GFI1B: variants seen among roughly 807,000 people sequenced by gnomAD.
The protein encoded by GFI1B is growth factor independent 1B transcriptional repressor.
GFI1B carries 20 observed loss-of-function variants against 35.3 expected under a neutral mutation model. That is an observed-to-expected ratio of 0.57 (90% CI 0.40 to 0.82). The LOEUF (loss-of-function observed/expected upper bound fraction) is 0.82, where lower values mean the gene tolerates loss of function less well. GFI1B is among the 40% of genes least tolerant of loss of function. GFI1B has a pLI of 0.00. For synonymous variants in GFI1B, 178 were observed against 177.6 expected, an observed-to-expected ratio of 1.00 and a Z score of -0.02; for missense variants, 430 against 446.3, an observed-to-expected ratio of 0.96 and a Z score of 0.33.
intron 1 of GFI1B, among the ~76,000 whole-genome samples, chr9:132,966,450 GA>G (rs1344887225): frequency 6.6e-6 from 1 of 152,112 alleles, no homozygotes; most frequent in Admixed American, 6.5e-5. Flanking sequence ...AGCAATTAAG[GA>G]GAGAAGACAA....
intron 1 of GFI1B, among the ~76,000 whole-genome samples, chr9:132,980,355 C>G (rs976541195): frequency 3.9e-5 from 6 of 152,182 alleles, no homozygotes; most frequent in African/African-American, 1.2e-4. Context: ...TATCCAGACC[C>G]TTGGTTGAAA....
At chr9:132,964,870 G>T (rs1295952926) in intron 1 of GFI1B, among the ~76,000 whole-genome samples, 6 of 150,042 alleles carry the variant, frequency 4.0e-5, no homozygotes, top group Non-Finnish European at 7.4e-5. Context: ...CTTCCGTGTA[G>T]CTGGGATTAT....
At chr9:132,969,852 C>T (rs1432872935) in intron 1 of GFI1B, among the ~76,000 whole-genome samples, 1 of 152,194 alleles carries the variant, frequency 6.6e-6, no homozygotes, top group Non-Finnish European at 1.5e-5. Context: ...CCCTGACTCT[C>T]ATGGGTTTTG....
chr9:132,990,642 C>T (rs372395568), intron 6 of GFI1B, among the ~76,000 whole-genome samples: 11 of 152,358 alleles, frequency 7.2e-5, no homozygotes, highest in South Asian at 2.1e-4. Flanking sequence ...CAAGATGACT[C>T]GGCAGCTGCC....
In GFI1B at chr9:132,989,048, C is replaced by T. The variant is rs1251880860; in HGVS notation, c.511-13C>T. The T allele has an allele frequency of 2.5e-6, 4 of 1,613,370 alleles. No individual in the cohort carries two copies. In the South Asian group the frequency reaches 3.3e-5, roughly 13 times the overall value. ...CAGCCCCCAGTGGCCTCACATGCTG[C>T]CCCTGCTCCCAGGTCTTCTCCACCC... On this transcript the variant is annotated splice_polypyrimidine_tract_variant and intron_variant, in intron 4 of 6. Coordinates refer to ENST00000372122, the MANE Select transcript of GFI1B (RefSeq NM_001377304.1). The surrounding 1 kb of genome is among the most constrained non-coding windows in gnomAD (Gnocchi z 6.2).
Position 132,960,782 on chromosome 9 carries a change from A to G in GFI1B, c.-700-11943A>G, listed in dbSNP as rs564876341. 2.7e-4 allele frequency among the ~76,000 whole-genome samples: 41 copies of G among 152,122 alleles called. 1 individual carries two copies. Among genetic ancestry groups the G allele is most frequent in the South Asian group, 1.7e-3 (8 of 4,816 alleles). ...CTCCCAAAACATTAGGGTTACAAGC[A>G]TGAGCCACCGAGCCTGGCTCAATTA... On this transcript the variant is annotated intron_variant, in intron 1 of 10. Coordinates refer to the GFI1B transcript ENST00000339463.
At chr9:132,971,972 TAA>T (rs55710047) in intron 1 of GFI1B, among the ~76,000 whole-genome samples, 5 of 130,728 alleles carry the variant, frequency 3.8e-5, no homozygotes, top group African/African-American at 8.4e-5. Context: ...AGACTCTGTC[TAA>T]AAAAAAAAAA....
intron 1 of GFI1B, among the ~76,000 whole-genome samples, chr9:132,957,624 G>A (rs920156095): frequency 2.0e-5 from 3 of 152,044 alleles, no homozygotes; most frequent in Non-Finnish European, 2.9e-5. Flanking sequence ...CCCAGAACAC[G>A]TTGTCATAGC....
upstream of GFI1B, among the ~76,000 whole-genome samples, chr9:132,978,025 A>C (rs1848682892): frequency 6.8e-6 from 1 of 147,494 alleles, no homozygotes; most frequent in South Asian, 2.3e-4. Flanking sequence ...AGGGGCCTCT[A>C]TGCATGTGGC....
chr9:132,957,915 C>T (rs532674625), intron 1 of GFI1B, among the ~76,000 whole-genome samples: 69 of 152,178 alleles, frequency 4.5e-4, no homozygotes, highest in Non-Finnish European at 7.1e-4. Context: ...TATGGTTTTG[C>T]GTGCATATAT....
At chr9:132,986,245 G>A (rs1359576855) in intron 1 of GFI1B, among the ~76,000 whole-genome samples, 3 of 148,738 alleles carry the variant, frequency 2.0e-5, no homozygotes, top group Non-Finnish European at 2.9e-5. Context: ...GGCGGCTGTC[G>A]GCACTGCCTG....
intron 1 of GFI1B, among the ~76,000 whole-genome samples, chr9:132,980,186 G>A (rs1273145156): frequency 1.3e-5 from 2 of 151,568 alleles, no homozygotes; most frequent in South Asian, 2.1e-4. Context: ...CAAAACCAGC[G>A]CAGACCATTG....
At chr9:132,990,793 G>A (rs1849267423) in intron 6 of GFI1B, 79 bp from the exon 7 acceptor site, 3 of 1,325,538 alleles carry the variant, frequency 2.3e-6, no homozygotes, top group Non-Finnish European at 2.2e-6. Flanking sequence ...AATGAACCCG[G>A]GGGCAGGGCA....
chr9:132,977,728 C>T (rs2132618257), upstream of GFI1B, among the ~76,000 whole-genome samples: 1 of 152,102 alleles, frequency 6.6e-6, no homozygotes, highest in Middle Eastern at 3.4e-3. Flanking sequence ...GAAGAAATGC[C>T]CCAGCCAGCT....
At chr9:132,975,238 GGAAGAATCTTCCT>G (rs1382013801), upstream of GFI1B, 1 of 152,166 alleles carries the variant, frequency 6.6e-6, no homozygotes, top group Non-Finnish European at 1.5e-5. Context: ...TTTAAACCAG[GGAAGAATCTTCCT>G]GATCTTTGTT....
chr9:132,956,359 G>A (rs1848283942), intron 1 of GFI1B, among the ~76,000 whole-genome samples: 1 of 151,958 alleles, frequency 6.6e-6, no homozygotes, highest in South Asian at 2.1e-4. Context: ...TCATTTCCGT[G>A]AATCGTCTTC....
In GFI1B at chr9:132,989,112, G is replaced by A; in HGVS notation, c.562G>A (p.Gly188Arg). 1 of 1,614,042 alleles carries A rather than the reference G, an allele frequency of 6.2e-7. No homozygotes were observed. Among genetic ancestry groups the A allele is most frequent in the Non-Finnish European group, 8.5e-7 (1 of 1,179,890 alleles). ...LEVHVRRSHS[G>R]TRPFACDICG... The stretch of plus-strand genomic sequence containing the variant: ...AGTGCATGTGCGACGCTCCCATAGT[G>A]GGACCCGGCCCTTCGCCTGTGACAT... The change falls in exon 5 of 7, where the codon GGG (glycine) becomes AGG (arginine). Residue 188 changes from glycine to arginine, a missense_variant. Coordinates refer to ENST00000372122, the MANE Select transcript of GFI1B (RefSeq NM_001377304.1). This position sits in a 1 kb window ranked among gnomAD's most constrained non-coding sequence, Gnocchi z 6.2.
chr9:132,988,524 A>G, intron 4 of GFI1B, 56 bp downstream of exon 4: 1 of 1,522,326 alleles, frequency 6.6e-7, no homozygotes, highest in Admixed American at 1.7e-5. Context: ...ACTCCCTCTC[A>G]ACTCACTGGC....
Position 132,988,341 on chromosome 9 carries a change from C to T in GFI1B, c.383C>T (p.Ser128Leu). ...SYRQAPSTMQ[S>L]AFLEHSVSLY... is the part of the protein sequence containing the mutation. ...CGGCAGGCCCCCTCCACCATGCAGTCAGCCTTCCTGGAGCACTCCGTCAGC... is the reference window on the plus strand; with the variant it reads ...CGGCAGGCCCCCTCCACCATGCAGTTAGCCTTCCTGGAGCACTCCGTCAGC... Residue 128 changes from serine (S) to leucine (L), a missense_variant, in exon 4 of 7, where the codon TCA (serine) becomes TTA (leucine). By Grantham distance (145) the Ser-to-Leu change is moderately radical. Transcript: ENST00000372122. 6.2e-7 allele frequency: 1 copy of T among 1,614,180 alleles called. No homozygotes were observed.
Sources: allele counts gnomAD v4.1 joint callset (sites outside exome capture counted in the v4.1 genomes callset), GRCh38; gene constraint gnomAD v4.1.1; non-coding constraint Gnocchi (gnomAD v3.1); transcripts MANE v1.5; gene names NCBI Gene and HGNC (gene_info 2026-07-23, HGNC 2026-07-21).